The following DIP2B variants were observed in gnomAD, a reference collection of about 807,000 sequenced individuals.
DIP2B encodes the protein DIP2 acetate--CoA ligase B (putative).
A neutral mutation model predicts 198.0 loss-of-function variants in DIP2B; 76 were observed. The observed-to-expected ratio is 0.38, with a 90% CI of 0.32 to 0.46. The LOEUF is 0.46. Ranked by LOEUF, DIP2B falls within the 20% of genes least tolerant of loss-of-function variation. DIP2B has a pLI of 0.99. For missense variants in DIP2B, 1,559 were observed against 1,978.4 expected (o/e 0.79, Z 4.02); for synonymous variants, 701 against 739.1 (o/e 0.95, Z 0.84).
chr12:50,554,046 A>G (rs973777037), intron 1 of DIP2B, among the ~76,000 whole-genome samples: 9 of 152,188 alleles, frequency 5.9e-5, no homozygotes, highest in Non-Finnish European at 1.0e-4. Context: ...GAAAGAGGCA[A>G]GTAATTTTAT....
At chr12:50,692,802 A>C in intron 13 of DIP2B, 147 bp from the exon 14 acceptor site, 1 of 663,026 alleles carries the variant, frequency 1.5e-6, no homozygotes, top group East Asian at 3.0e-5. Context: ...GCATCACTGC[A>C]CTCCAGCCTG....
At chr12:50,659,053 C>T (rs753298767) in intron 3 of DIP2B, among the ~76,000 whole-genome samples, 1 of 152,148 alleles carries the variant, frequency 6.6e-6, no homozygotes, top group Non-Finnish European at 1.5e-5. Context: ...CGCCACTGCA[C>T]TCCAGCCTGG....
intron 1 of DIP2B, among the ~76,000 whole-genome samples, chr12:50,529,154 G>A (rs943503290): frequency 6.6e-6 from 1 of 152,106 alleles, no homozygotes; most frequent in Non-Finnish European, 1.5e-5. Flanking sequence ...GGTGGCATGC[G>A]CCTGTAGTCC....
intron 34 of DIP2B, 137 bp from the exon 35 acceptor site, chr12:50,736,899 T>C (rs1329834182): frequency 1.4e-6 from 1 of 733,244 alleles, no homozygotes; most frequent in African/African-American, 1.8e-5. Context: ...CCCCTCAGGG[T>C]AGCTGCTGTG....
At chr12:50,520,035 CTTTT>C (rs35179881) in intron 1 of DIP2B, among the ~76,000 whole-genome samples, 6 of 100,558 alleles carry the variant, frequency 6.0e-5, no homozygotes, top group Non-Finnish European at 9.7e-5. Flanking sequence ...ATTGAATCTC[CTTTT>C]TTTTTTTTTT....
intron 1 of DIP2B, among the ~76,000 whole-genome samples, chr12:50,508,377 T>G (rs1957985967): frequency 6.6e-6 from 1 of 152,258 alleles, no homozygotes; most frequent in Non-Finnish European, 1.5e-5. Context: ...GTCAAGTGTA[T>G]GTACATAAAG....
At chr12:50,604,356 A>G (rs1958964385) in intron 1 of DIP2B, among the ~76,000 whole-genome samples, 2 of 152,220 alleles carry the variant, frequency 1.3e-5, no homozygotes, top group Admixed American at 1.3e-4. Context: ...CTGTGTATAT[A>G]TATGCATTAC....
chr12:50,544,482 A>G (rs2139378745), intron 1 of DIP2B, among the ~76,000 whole-genome samples: 1 of 152,050 alleles, frequency 6.6e-6, no homozygotes, highest in Admixed American at 6.5e-5. Context: ...AATTTTTTGT[A>G]TTTTTAGTAC....
chr12:50,742,500 C>T (rs959417274), intron 37 of DIP2B, among the ~76,000 whole-genome samples: 1 of 150,392 alleles, frequency 6.6e-6, no homozygotes, highest in Non-Finnish European at 1.5e-5. Flanking sequence ...TTGTTTCTAC[C>T]TATTTTAGTG....
At chr12:50,515,235 G>A (rs2139344434) in intron 1 of DIP2B, among the ~76,000 whole-genome samples, 1 of 148,832 alleles carries the variant, frequency 6.7e-6, no homozygotes, top group East Asian at 2.1e-4. Flanking sequence ...TGTACACTGT[G>A]GACCTTTTTT....
intron 4 of DIP2B, among the ~76,000 whole-genome samples, chr12:50,669,555 G>A (rs1359006670): frequency 1.3e-5 from 2 of 152,110 alleles, no homozygotes; most frequent in Non-Finnish European, 2.9e-5. Context: ...TTCCCGAGTA[G>A]CTGGAATTAC....
At chr12:50,582,145 GTTTTTTTTTTTTTT>G (rs367699036) in intron 1 of DIP2B, among the ~76,000 whole-genome samples, 13 of 77,552 alleles carry the variant, frequency 1.7e-4, no homozygotes, top group Non-Finnish European at 2.3e-4. Flanking sequence ...CTTTTTTTCT[GTTTTTTTTTTTTTT>G]TTTTTTTTTT....
chr12:50,654,663 G>A (rs1478158935), intron 3 of DIP2B, among the ~76,000 whole-genome samples: 1 of 151,938 alleles, frequency 6.6e-6, no homozygotes, highest in Non-Finnish European at 1.5e-5. Flanking sequence ...GAAAATATAA[G>A]GAAAATTAAA....
chr12:50,601,005 C>T (rs995600138), intron 1 of DIP2B, among the ~76,000 whole-genome samples: 3 of 151,918 alleles, frequency 2.0e-5, no homozygotes, highest in African/African-American at 7.2e-5. Context: ...GGATTGCCTG[C>T]CTCACCCATT....
At chr12:50,521,355 T>G (rs897706359) in intron 1 of DIP2B, among the ~76,000 whole-genome samples, 1 of 151,996 alleles carries the variant, frequency 6.6e-6, no homozygotes, top group Admixed American at 6.6e-5. Context: ...TCCACCCGCC[T>G]CAGCCTCCCA....
chr12:50,720,220 G>C (rs1204958970), intron 25 of DIP2B, among the ~76,000 whole-genome samples: 4 of 151,986 alleles, frequency 2.6e-5, no homozygotes, highest in African/African-American at 9.7e-5. Context: ...GAGGCACTGT[G>C]CCCGGCCTAT....
intron 1 of DIP2B, among the ~76,000 whole-genome samples, chr12:50,615,248 C>G (rs1302608805): frequency 6.6e-6 from 1 of 152,110 alleles, no homozygotes; most frequent in African/African-American, 2.4e-5. Flanking sequence ...CTTTTCCGCA[C>G]CCCCTCCCCC....
intron 32 of DIP2B, 60 bp downstream of exon 32, chr12:50,732,596 G>A: frequency 6.3e-7 from 1 of 1,589,440 alleles, no homozygotes; most frequent in Non-Finnish European, 8.6e-7. Flanking sequence ...GTATCCCAGA[G>A]CATGGGCTTT....
intron 28 of DIP2B, 113 bp downstream of exon 28, chr12:50,724,999 A>G: frequency 9.7e-7 from 1 of 1,031,522 alleles, no homozygotes. Context: ...TCTGCCTGCT[A>G]AGACAGAGGC....
Sources: gnomAD v4.1 joint callset for allele counts (sites outside exome capture counted in the v4.1 genomes callset) on GRCh38, gnomAD v4.1.1 for gene constraint, MANE v1.5 for transcripts, NCBI Gene and HGNC (gene_info 2026-07-23, HGNC 2026-07-21) for gene names.